Variants in BAG2 observed in about 807,000 individuals in gnomAD.
The protein encoded by BAG2 is BAG cochaperone 2, also known as BAG family molecular chaperone regulator 2.
A neutral mutation model predicts 16.4 loss-of-function variants in BAG2; 8 were observed. The ratio of observed to expected loss-of-function variants is 0.49; its 90% confidence interval spans 0.29 to 0.88. BAG2 has a LOEUF of 0.88. Among genes scored for constraint, BAG2 ranks in the 40% least tolerant of loss-of-function variants. The pLI is 0.09. For synonymous variants in BAG2, 82 were observed against 89.2 expected, an observed-to-expected ratio of 0.92 and a Z score of 0.46; for missense variants, 218 against 248.9, an observed-to-expected ratio of 0.88 and a Z score of 0.84.
chr6:57,172,889 G>C (rs979104598), intron 1 of BAG2, 79 bp downstream of exon 1: 21 of 1,246,736 alleles, frequency 1.7e-5, no homozygotes, highest in Middle Eastern at 5.8e-4. Flanking sequence ...CGGAGGCCGC[G>C]TGTGGCGGGC....
In BAG2 at chr6:57,184,206, G is replaced by A. The variant is rs775851983; in HGVS notation, c.*16G>A. 37 of 1,518,572 alleles carry A rather than the reference G, an allele frequency of 2.4e-5. No individual in the cohort carries two copies. Among genetic ancestry groups the A allele is most frequent in the Non-Finnish European group, 3.2e-5 (37 of 1,141,750 alleles). The allele number at this position is 1,518,572 out of a possible 1,614,324, so 94.1% of individuals were successfully genotyped here. ...ATTCAATTAGTCTTCAAACCTAAGA[G>A]CATTTACACAATACACAAGGTGTAA... is the stretch of plus-strand genomic sequence containing the variant. On this transcript the variant is annotated 3_prime_UTR_variant, in exon 3 of 3. Transcript: ENST00000370693.
At chr6:57,175,866 C>T (rs2127992167) in intron 1 of BAG2, among the ~76,000 whole-genome samples, 1 of 152,294 alleles carries the variant, frequency 6.6e-6, no homozygotes, top group South Asian at 2.1e-4. Context: ...GCTGCTGCAG[C>T]AAGTTAAACC....
At position 57,188,757 on chromosome 6, in the gene BAG2, C is replaced by CATT. The variant is rs1764714095; in HGVS notation, c.*4568_*4570dup. The CATT allele has an allele frequency of 2.0e-5, 3 of 152,260 alleles. No individual in the cohort carries two copies. Among genetic ancestry groups the CATT allele is most frequent in the African/African-American group, 4.8e-5 (2 of 41,550 alleles). 9.4% of individuals were successfully genotyped at this position (152,260 alleles called of 1,614,324 possible). ...TACTGTGAAATAGATAATGCCAGAT[C>CATT]ATTTCAATATAATGAAAAGCAAAAA... On this transcript the variant is annotated 3_prime_UTR_variant, in exon 3 of 3. Coordinates refer to ENST00000370693, the MANE Select transcript of BAG2 (RefSeq NM_004282.4).
chr6:57,176,136 A>G (rs1017112356), intron 1 of BAG2, among the ~76,000 whole-genome samples: 2 of 152,186 alleles, frequency 1.3e-5, no homozygotes, highest in African/African-American at 4.8e-5. Flanking sequence ...TTTTTTCTAA[A>G]ACACAGGCTA....
chr6:57,182,194 TTA>T, intron 2 of BAG2, 53 bp downstream of exon 2: 1 of 1,519,408 alleles, frequency 6.6e-7, no homozygotes, highest in Non-Finnish European at 9.1e-7. Context: ...TTTAAAGAGT[TTA>T]TGATAAGTGT....
intron 1 of BAG2, among the ~76,000 whole-genome samples, chr6:57,180,786 T>G (rs201442325): frequency 6.6e-6 from 1 of 150,534 alleles, no homozygotes; most frequent in African/African-American, 2.4e-5. Context: ...AAAAAAAAAT[T>G]GATCGCATCA....
Position 57,183,717 on chromosome 6 carries a change from CACAA to C in BAG2, c.224-55_224-52del, listed in dbSNP as rs1764539699. 3.6e-6 allele frequency: 5 copies of C among 1,404,314 alleles called. No homozygotes were observed. In the East Asian group the frequency reaches 7.1e-5, roughly 20 times the overall value. The allele number at this position is 1,404,314 out of a possible 1,614,324, so 87.0% of individuals were successfully genotyped here. A position where few individuals can be genotyped will look rare whatever the true frequency, so the allele number is the denominator to read the frequency against. Reference sequence around the variant, plus strand: ...AGGTAAAGAAAATAATAAATTTAGTCACAAACAAATGCCTTAATGTTTTTGACAC... The same window carrying C: ...AGGTAAAGAAAATAATAAATTTAGTCACAAATGCCTTAATGTTTTTGACAC... On this transcript the variant is annotated intron_variant, in intron 2 of 2. Coordinates refer to ENST00000370693, the MANE Select transcript of BAG2 (RefSeq NM_004282.4).
In BAG2 at chr6:57,184,242, ATAC is replaced by A. The variant is rs1764557192; in HGVS notation, c.*55_*57del. ...ATACACAAGGTGTAAAAATGATAAA[ATAC>A]TATTTTAATTGATAACTAGTTCTTT... On this transcript the variant is annotated 3_prime_UTR_variant, in exon 3 of 3. Coordinates refer to ENST00000370693, the MANE Select transcript of BAG2 (RefSeq NM_004282.4). The A allele has an allele frequency of 5.0e-6, 7 of 1,409,198 alleles. No homozygotes were observed. Among genetic ancestry groups the A allele is most frequent in the Admixed American group, 5.5e-5 (2 of 36,602 alleles). The allele number at this position is 1,409,198 out of a possible 1,614,324, so 87.3% of individuals were successfully genotyped here.
chr6:57,174,819 T>C (rs774588732), intron 1 of BAG2, among the ~76,000 whole-genome samples: 4 of 152,156 alleles, frequency 2.6e-5, no homozygotes, highest in South Asian at 2.1e-4. Context: ...TCATATGTAA[T>C]TTTGCTCTAA....
At position 57,185,541 on chromosome 6, in the gene BAG2, T is replaced by A. The variant is rs1764595683; in HGVS notation, c.*1351T>A. On this transcript the variant is annotated 3_prime_UTR_variant, in exon 3 of 3. Coordinates refer to ENST00000370693, the MANE Select transcript of BAG2 (RefSeq NM_004282.4). Reference sequence around the variant, plus strand: ...TTTCTCTACAAAAATGCCAAGTTAGTCTCTTTATAAAAAGCAGTTACAATC... The same window carrying A: ...TTTCTCTACAAAAATGCCAAGTTAGACTCTTTATAAAAAGCAGTTACAATC... 1 of 152,220 alleles carries A rather than the reference T, an allele frequency of 6.6e-6. No individual in the cohort carries two copies. The highest frequency in any genetic ancestry group is 2.1e-4 in the South Asian group (1 of 4,832). 9.4% of individuals were successfully genotyped at this position (152,220 alleles called of 1,614,324 possible).
intron 1 of BAG2, among the ~76,000 whole-genome samples, chr6:57,177,417 A>C (rs1463300243): frequency 6.6e-6 from 1 of 152,148 alleles, no homozygotes; most frequent in Non-Finnish European, 1.5e-5. Flanking sequence ...CTCCATCTCA[A>C]AAAAAACAAA....
intron 1 of BAG2, among the ~76,000 whole-genome samples, chr6:57,178,905 T>G (rs1764360713): frequency 6.6e-6 from 1 of 152,238 alleles, no homozygotes; most frequent in Non-Finnish European, 1.5e-5. Context: ...CTAGAATGTC[T>G]TTTTTATCTA....
intron 1 of BAG2, among the ~76,000 whole-genome samples, chr6:57,179,815 T>G (rs1398905474): frequency 6.6e-6 from 1 of 152,054 alleles, no homozygotes; most frequent in East Asian, 1.9e-4. Context: ...TGTGTGCAAT[T>G]GAGTGAAGTG....
chr6:57,181,030 A>G (rs1400747440), intron 1 of BAG2, among the ~76,000 whole-genome samples: 2 of 152,392 alleles, frequency 1.3e-5, no homozygotes, highest in East Asian at 3.9e-4. Context: ...TAACACTGAC[A>G]TATCAGTGTA....
rs1347307014 is a variant in BAG2 at position 57,178,650 on chromosome 6, A to AT, written c.114-3378dup. Among the ~76,000 whole-genome samples, 7 of 152,330 alleles carry AT rather than the reference A, an allele frequency of 4.6e-5. No individual in the cohort carries two copies. In the Middle Eastern group the frequency reaches 0.01, roughly 222 times the overall value. On this transcript the variant is annotated intron_variant, in intron 1 of 2. Transcript: ENST00000370693. ...AGATCTTTACATTTTGAAGAATGACATTTTACCCTTGCATGAAATGAAAAA... is the reference window on the plus strand; with the variant it reads ...AGATCTTTACATTTTGAAGAATGACATTTTTACCCTTGCATGAAATGAAAAA...
At chr6:57,181,576 C>G (rs576833492) in intron 1 of BAG2, among the ~76,000 whole-genome samples, 16 of 152,084 alleles carry the variant, frequency 1.1e-4, no homozygotes, top group African/African-American at 3.9e-4. Context: ...ACTAAAACTA[C>G]AGAAATTAGC....
Position 57,183,924 on chromosome 6 carries a change from T to C in BAG2, c.370T>C (p.Phe124Leu), listed in dbSNP as rs1325020532. 1 of 1,614,068 alleles carries C rather than the reference T, an allele frequency of 6.2e-7. No individual in the cohort carries two copies. The highest frequency in any genetic ancestry group is 8.5e-7 in the Non-Finnish European group (1 of 1,179,984). Reference protein sequence around the residue: ...TRIIDEVVNKFLDDLGNAKSH... With the variant: ...TRIIDEVVNKLLDDLGNAKSH... ...GATTATTGATGAGGTGGTCAATAAG[T>C]TTCTGGATGATTTGGGAAATGCCAA... is the stretch of plus-strand genomic sequence containing the variant. Residue 124 changes from phenylalanine to leucine, a missense_variant, in exon 3 of 3, where the codon TTT (phenylalanine) becomes CTT (leucine). Physicochemically the swap from Phe to Leu is conservative, Grantham distance 22. This residue lies in a region of BAG2 where 113 missense variants were observed against 128.0 expected (regional missense o/e 0.88). Coordinates refer to ENST00000370693, the MANE Select transcript of BAG2 (RefSeq NM_004282.4).
intron 1 of BAG2, among the ~76,000 whole-genome samples, chr6:57,175,420 A>ATC (rs144670802): frequency 0.11 from 16,356 of 152,098 alleles, 1,107 homozygotes; most frequent in Middle Eastern, 0.17. Flanking sequence ...AGGAAAAAGA[A>ATC]TCTCTCTCTC....
At chr6:57,178,077 G>A (rs1018025761) in intron 1 of BAG2, among the ~76,000 whole-genome samples, 4 of 152,176 alleles carry the variant, frequency 2.6e-5, no homozygotes, top group Non-Finnish European at 5.9e-5. Context: ...CAATTTGGAC[G>A]TGTAGCTGCT....
Sources: allele counts gnomAD v4.1 joint callset (sites outside exome capture counted in the v4.1 genomes callset), GRCh38; gene constraint gnomAD v4.1.1; regional missense constraint gnomAD v4.1.1; transcripts MANE v1.5; gene names NCBI Gene and HGNC (gene_info 2026-07-23, HGNC 2026-07-21).